Variants in PRORP observed in about 807,000 individuals in gnomAD.
PRORP encodes protein only RNase P catalytic subunit.
Under a neutral mutation model 59.4 loss-of-function variants are expected in PRORP, and 51 were observed. The ratio of observed to expected loss-of-function variants is 0.86; its 90% CI spans 0.69 to 1.08. PRORP has a LOEUF of 1.08. PRORP is among the 50% of genes least tolerant of loss of function. The probability of loss-of-function intolerance (pLI) is 0.00; values close to 1 mark genes in which losing one functional copy is unlikely to be tolerated. For missense variants in PRORP, 646 were observed against 690.3 expected (o/e 0.94, Z 0.72); for synonymous variants, 231 against 245.6 (o/e 0.94, Z 0.55).
chr14:35,184,420 G>C (rs1399185982), intron 5 of PRORP, among the ~76,000 whole-genome samples: 4 of 151,872 alleles, frequency 2.6e-5, no homozygotes, highest in Admixed American at 2.0e-4. Context: ...TCATTGCCTG[G>C]GTGTGTACAG....
intron 4 of PRORP, among the ~76,000 whole-genome samples, chr14:35,177,556 G>A (rs1239243423): frequency 6.6e-6 from 1 of 152,078 alleles, no homozygotes; most frequent in African/African-American, 2.4e-5. Flanking sequence ...ATTCTCTGAT[G>A]GTAGTTTGTA....
intron 3 of PRORP, among the ~76,000 whole-genome samples, chr14:35,127,272 C>T (rs532758630): frequency 1.1e-4 from 17 of 151,786 alleles, no homozygotes; most frequent in East Asian, 5.8e-4. Context: ...GTCATCCAAA[C>T]GGCCAATCTA....
At chr14:35,227,596 T>C (rs2049967918) in intron 5 of PRORP, among the ~76,000 whole-genome samples, 1 of 152,150 alleles carries the variant, frequency 6.6e-6, no homozygotes, top group Non-Finnish European at 1.5e-5. Context: ...TTCTTCTTCC[T>C]CTTCCATCCT....
chr14:35,200,033 C>T (rs941391031), intron 5 of PRORP, among the ~76,000 whole-genome samples: 2 of 152,036 alleles, frequency 1.3e-5, no homozygotes, highest in East Asian at 3.8e-4. Context: ...ATGGAAACAG[C>T]CATTCGTCTT....
rs183294914 is a variant in PRORP, at chr14:35,198,914, C to T, written c.1275+18137C>T. On this transcript the variant is annotated intron_variant, in intron 5 of 7. Coordinates refer to ENST00000534898, the MANE Select transcript of PRORP (RefSeq NM_014672.4). ...GGGCGTGGTGGCTTACGCCTGTAAT[C>T]CCAGCACTTTGGGAGGCCGAGGCAG... Among the ~76,000 whole-genome samples, 1,226 of 152,308 alleles carry T rather than the reference C, an allele frequency of 8.0e-3. 12 individuals are homozygous for T. The highest frequency in any genetic ancestry group is 0.027 in the African/African-American group (1,141 of 41,552).
chr14:35,270,011 A>T (rs1481042605), intron 6 of PRORP, among the ~76,000 whole-genome samples: 1 of 152,178 alleles, frequency 6.6e-6, no homozygotes, highest in African/African-American at 2.4e-5. Flanking sequence ...CTGCCCTAGT[A>T]GTATTTTGGG....
In PRORP at chr14:35,124,206, C is replaced by T. The variant is rs778065410; in HGVS notation, c.961C>T (p.His321Tyr). 1.9e-6 allele frequency: 3 copies of T among 1,566,460 alleles called. No individual in the cohort carries two copies. Among genetic ancestry groups the T allele is most frequent in the East Asian group, 2.2e-5 (1 of 44,564 alleles). Residue 321 changes from histidine to tyrosine, a missense_variant, in exon 2 of 8, where the codon CAC (histidine) becomes TAC (tyrosine). Transcript: ENST00000534898. Reference protein sequence around the residue: ...NQLYPGESFAHSIKTWFESVP... With the variant: ...NQLYPGESFAYSIKTWFESVP... The stretch of plus-strand genomic sequence containing the variant: ...GCTGTATCCAGGGGAGTCATTTGCA[C>T]ACAGTATAAAAACATGGTTTGAGAG...
At chr14:35,210,750 C>CT (rs71435870) in intron 5 of PRORP, among the ~76,000 whole-genome samples, 398 of 34,080 alleles carry the variant, frequency 0.012, 14 homozygotes, top group East Asian at 0.027. Context: ...TTTCTTTTGC[C>CT]TTTTTTTTTT....
At chr14:35,156,400 G>A (rs991641366) in intron 4 of PRORP, among the ~76,000 whole-genome samples, 5 of 152,186 alleles carry the variant, frequency 3.3e-5, no homozygotes, top group African/African-American at 9.7e-5. Context: ...GAATGCATAT[G>A]GATTGAGCTA....
intron 4 of PRORP, among the ~76,000 whole-genome samples, chr14:35,148,125 A>G (rs906428378): frequency 6.6e-5 from 10 of 152,180 alleles, no homozygotes; most frequent in African/African-American, 2.4e-4. Flanking sequence ...ACCTCTTTCC[A>G]TGAATCACAA....
intron 4 of PRORP, among the ~76,000 whole-genome samples, chr14:35,139,479 C>T (rs551916054): frequency 6.9e-6 from 1 of 145,186 alleles, no homozygotes; most frequent in Non-Finnish European, 1.5e-5. Flanking sequence ...ACTATGGAAT[C>T]ATACAATATA....
intron 4 of PRORP, among the ~76,000 whole-genome samples, chr14:35,150,256 G>A (rs947739479): frequency 3.3e-5 from 5 of 152,178 alleles, no homozygotes; most frequent in African/African-American, 1.2e-4. Flanking sequence ...AGAGGCCATC[G>A]TAGAATTATT....
rs563257138 is a variant in PRORP, at chr14:35,136,395, A to C, written c.1167+8784A>C. Among the ~76,000 whole-genome samples the C allele has an allele frequency of 2.0e-5, 3 of 151,440 alleles. No homozygotes were observed. In the South Asian group the frequency reaches 6.3e-4, roughly 32 times the overall value. ...TTGTTTTTTTGGTTTTTTTTTTGAA[A>C]CAGAGTTTCGCTGTTGTTGCCCAGG... On this transcript the variant is annotated intron_variant, in intron 4 of 7. Transcript: ENST00000534898.
intron 4 of PRORP, chr14:35,158,667 C>G (rs1236132369): frequency 2.5e-6 from 1 of 401,820 alleles, no homozygotes; most frequent in Non-Finnish European, 4.9e-6. Context: ...AGGTAGTCCA[C>G]AGATTTACTA....
intron 6 of PRORP, among the ~76,000 whole-genome samples, chr14:35,269,660 A>G (rs187156234): frequency 2.0e-5 from 3 of 152,162 alleles, no homozygotes; most frequent in Non-Finnish European, 4.4e-5. Context: ...CTGGAGAGTT[A>G]TAAGGCAAAT....
At chr14:35,267,800 A>G (rs2051082186) in intron 6 of PRORP, among the ~76,000 whole-genome samples, 1 of 151,966 alleles carries the variant, frequency 6.6e-6, no homozygotes, top group Non-Finnish European at 1.5e-5. Context: ...AGGAGCCCAA[A>G]GGAGCCCTGA....
At chr14:35,157,655 G>T (rs996571611) in intron 4 of PRORP, among the ~76,000 whole-genome samples, 1 of 152,148 alleles carries the variant, frequency 6.6e-6, no homozygotes, top group Non-Finnish European at 1.5e-5. Context: ...CTCCCAAAGT[G>T]CTGGGATTAC....
chr14:35,183,974 C>A (rs920089846), intron 5 of PRORP, among the ~76,000 whole-genome samples: 1 of 152,040 alleles, frequency 6.6e-6, no homozygotes, highest in Non-Finnish European at 1.5e-5. Flanking sequence ...ATTAGGAATT[C>A]GAAGTTCTAT....
At chr14:35,228,687 T>A (rs992465858) in intron 5 of PRORP, among the ~76,000 whole-genome samples, 47 of 152,256 alleles carry the variant, frequency 3.1e-4, no homozygotes, top group African/African-American at 1.1e-3. Flanking sequence ...TGTACCACAT[T>A]TTCTTTATCC....
Sources: gnomAD v4.1 joint callset for allele counts (sites outside exome capture counted in the v4.1 genomes callset) on GRCh38, gnomAD v4.1.1 for gene constraint, MANE v1.5 for transcripts, NCBI Gene and HGNC (gene_info 2026-07-23, HGNC 2026-07-21) for gene names.